The following ADCY10 variants were observed in gnomAD, a reference collection of about 807,000 sequenced individuals.
ADCY10 encodes the protein adenylate cyclase 10.
In ADCY10, 156 loss-of-function variants were observed where a neutral mutation model predicts 183.3. The ratio of observed to expected loss-of-function variants is 0.85; its 90% CI spans 0.75 to 0.97. The LOEUF (loss-of-function observed/expected upper bound fraction) is 0.97, where lower values mean the gene tolerates loss of function less well. Ranked by LOEUF, ADCY10 falls within the 50% of genes least tolerant of loss-of-function variation. The pLI, the probability that ADCY10 is intolerant of heterozygous loss-of-function variation, is 0.00. For missense variants in ADCY10, 1,745 were observed against 1,934.3 expected (o/e 0.90, Z 1.84); for synonymous variants, 645 against 670.0 (o/e 0.96, Z 0.58).
intron 21 of ADCY10, among the ~76,000 whole-genome samples, chr1:167,844,618 A>T (rs1044555185): frequency 2.6e-5 from 4 of 152,200 alleles, no homozygotes; most frequent in South Asian, 2.1e-4. Context: ...ACCACAATTT[A>T]AAAAATCTAT....
chr1:167,867,658 C>T (rs1307871058), intron 14 of ADCY10, among the ~76,000 whole-genome samples: 1 of 151,530 alleles, frequency 6.6e-6, no homozygotes, highest in African/African-American at 2.4e-5. Context: ...CTAGGTGACA[C>T]AAGTAAAGTA....
intron 8 of ADCY10, among the ~76,000 whole-genome samples, chr1:167,890,908 T>A (rs761671401): frequency 1.3e-5 from 2 of 152,182 alleles, no homozygotes; most frequent in Non-Finnish European, 2.9e-5. Flanking sequence ...AAGGACACAA[T>A]AAACTAGAAT....
intron 31 of ADCY10, among the ~76,000 whole-genome samples, chr1:167,813,413 C>T (rs1382038677): frequency 6.6e-6 from 1 of 151,794 alleles, no homozygotes; most frequent in Admixed American, 6.6e-5. Flanking sequence ...CAAAAGCGTC[C>T]TTCGAAGATA....
At chr1:167,870,995 A>G (rs1281361352) in intron 13 of ADCY10, among the ~76,000 whole-genome samples, 1 of 152,174 alleles carries the variant, frequency 6.6e-6, no homozygotes, top group African/African-American at 2.4e-5. Flanking sequence ...GTTTAATTAT[A>G]GTGTAGAAAA....
rs547011694 is a variant in ADCY10 at position 167,848,634 on chromosome 1, T to TTTTTG, written c.2309-150_2309-146dup. 1,730 of 965,508 alleles carry TTTTTG rather than the reference T, an allele frequency of 1.8e-3. 3 individuals carry two copies. Among genetic ancestry groups the TTTTTG allele is most frequent in the Non-Finnish European group, 2.3e-3 (1,499 of 646,070 alleles). 59.8% of individuals were successfully genotyped at this position (965,508 alleles called of 1,614,324 possible). A position where few individuals can be genotyped will look rare whatever the true frequency, so the allele number is the denominator to read the frequency against. ...CTCACCAAATATTCTGGAAACCTTT[T>TTTTTG]TTTTGTTTTGTTTTGTTTTGTTTTT... On this transcript the variant is annotated intron_variant, in intron 18 of 32. Transcript: ENST00000367851.
intron 8 of ADCY10, among the ~76,000 whole-genome samples, chr1:167,890,761 A>G (rs1668531549): frequency 6.6e-6 from 1 of 152,116 alleles, no homozygotes; most frequent in Non-Finnish European, 1.5e-5. Flanking sequence ...TTCCATTTTC[A>G]TTAGGTATCT....
At chr1:167,817,293 A>G (rs1662591128) in intron 31 of ADCY10, among the ~76,000 whole-genome samples, 1 of 152,214 alleles carries the variant, frequency 6.6e-6, no homozygotes, top group African/African-American at 2.4e-5. Context: ...TGAACCCGGG[A>G]GGCGGAGGTT....
At chr1:167,827,706 TTA>T (rs1491162973) in intron 26 of ADCY10, among the ~76,000 whole-genome samples, 3 of 91,528 alleles carry the variant, frequency 3.3e-5, no homozygotes, top group Admixed American at 2.4e-4. Context: ...CATTTTAAAT[TTA>T]AAAAAAAAAA....
chr1:167,883,454 CTT>C lies in ADCY10; in HGVS notation c.1001_1002del (p.Lys334SerfsTer5), dbSNP rs748559964. The C allele has an allele frequency of 1.2e-6, 2 of 1,614,212 alleles. No individual in the cohort carries two copies. Among genetic ancestry groups the C allele is most frequent in the South Asian group, 1.1e-5 (1 of 91,080 alleles). On this transcript the variant is annotated frameshift_variant, in exon 9 of 33. Coordinates refer to ENST00000367851, the MANE Select transcript of ADCY10 (RefSeq NM_018417.6). LOFTEE classifies it high-confidence loss of function. ...ACACTTACCTTGTCAAACATGAAGA[CTT>C]TATTGATTTGGCCTTGGAAGATCTT... ...VLKIFQGQIN[K>X]VFMFDKGCSF... is the part of the protein sequence containing the mutation.
intron 21 of ADCY10, among the ~76,000 whole-genome samples, chr1:167,839,200 T>C (rs1003810247): frequency 1.3e-5 from 2 of 152,234 alleles, no homozygotes; most frequent in African/African-American, 4.8e-5. Context: ...ATCTCCATTG[T>C]CCCTTTTCTC....
chr1:167,899,040 C>G (rs1669205610), intron 6 of ADCY10, among the ~76,000 whole-genome samples: 1 of 152,176 alleles, frequency 6.6e-6, no homozygotes, highest in Non-Finnish European at 1.5e-5. Flanking sequence ...GATCCCTCAT[C>G]CTGGGTTAGG....
rs778732017 is a variant in ADCY10, at chr1:167,905,204, A to C, written c.-58-6T>G. ...GCAGTCTCCAAATAGGTCTTCTAAA[A>C]AGAAAATTGAAATAGAGGAAATCTG... On this transcript the variant is annotated splice_polypyrimidine_tract_variant and splice_region_variant and intron_variant, in intron 1 of 32. Coordinates refer to ENST00000367851, the MANE Select transcript of ADCY10 (RefSeq NM_018417.6). 91 of 1,556,404 alleles carry C rather than the reference A, an allele frequency of 5.8e-5. No individual in the cohort carries two copies. Among genetic ancestry groups the C allele is most frequent in the Admixed American group, 2.2e-4 (13 of 59,920 alleles).
Position 167,845,763 on chromosome 1 carries a change from G to A in ADCY10, c.2807C>T (p.Thr936Ile). 1 of 1,614,218 alleles carries A rather than the reference G, an allele frequency of 6.2e-7. No individual in the cohort carries two copies. Among genetic ancestry groups the A allele is most frequent in the Non-Finnish European group, 8.5e-7 (1 of 1,180,050 alleles). Residue 936 changes from threonine to isoleucine, a missense_variant, in exon 21 of 33, where the codon ACA becomes ATA. Coordinates refer to ENST00000367851, the MANE Select transcript of ADCY10 (RefSeq NM_018417.6). ...GTCCTTGAGCCACAGCTCGTAGGCTGTTTTCTGCATCATAGGGTTACAGAA... is the reference window on the plus strand; with the variant it reads ...GTCCTTGAGCCACAGCTCGTAGGCTATTTTCTGCATCATAGGGTTACAGAA... ...IRFCNPMMQK[T>I]AYELWLKDQR...
At chr1:167,830,256 T>C (rs1663615016) in intron 25 of ADCY10, among the ~76,000 whole-genome samples, 1 of 151,682 alleles carries the variant, frequency 6.6e-6, no homozygotes, top group Non-Finnish European at 1.5e-5. Flanking sequence ...CCCCTTTAAA[T>C]ACTGCAGTCT....
intron 14 of ADCY10, 62 bp downstream of exon 14, chr1:167,870,195 G>T: frequency 6.4e-7 from 1 of 1,574,402 alleles, no homozygotes; most frequent in Admixed American, 1.7e-5. Flanking sequence ...GGAAGGAGAG[G>T]AGCATCAAAA....
intron 16 of ADCY10, among the ~76,000 whole-genome samples, chr1:167,857,351 C>T (rs901188029): frequency 5.3e-5 from 8 of 152,174 alleles, no homozygotes; most frequent in Non-Finnish European, 1.2e-4. Flanking sequence ...CCTGCAGCCC[C>T]GTTCTGTCAC....
At chr1:167,898,627 A>G (rs1360915491) in intron 6 of ADCY10, among the ~76,000 whole-genome samples, 1 of 151,528 alleles carries the variant, frequency 6.6e-6, no homozygotes, top group Admixed American at 6.6e-5. Context: ...ATGATTGAAG[A>G]GCATGGGAAT....
chr1:167,845,916 A>C, intron 20 of ADCY10, 63 bp from the exon 21 acceptor site: 1 of 1,614,044 alleles, frequency 6.2e-7, no homozygotes, highest in Admixed American at 1.7e-5. Flanking sequence ...CCTTCTACCT[A>C]ACATAGGTCA....
intron 16 of ADCY10, among the ~76,000 whole-genome samples, chr1:167,859,551 G>T (rs1666143488): frequency 6.6e-6 from 1 of 152,092 alleles, no homozygotes; most frequent in African/African-American, 2.4e-5. Flanking sequence ...CTCAACAAAG[G>T]ATGAAAAAAT....
Sources: gnomAD v4.1 joint callset for allele counts (sites outside exome capture counted in the v4.1 genomes callset) on GRCh38, gnomAD v4.1.1 for gene constraint, MANE v1.5 for transcripts, NCBI Gene and HGNC (gene_info 2026-07-23, HGNC 2026-07-21) for gene names.